Variants in GRIP1 observed in about 807,000 individuals in gnomAD.
The protein encoded by GRIP1 is glutamate receptor-interacting protein 1.
In GRIP1, 45 loss-of-function variants were observed where a neutral mutation model predicts 129.9. The observed-to-expected ratio is 0.35, with a 90% CI of 0.27 to 0.44. The LOEUF is 0.44. GRIP1 is among the 20% of genes least tolerant of loss of function. GRIP1 has a pLI of 1.00. For missense variants in GRIP1, 1,196 were observed against 1,396.8 expected, an observed-to-expected ratio of 0.86 and a Z score of 2.29; for synonymous variants, 530 against 520.8, an observed-to-expected ratio of 1.02 and a Z score of -0.24.
At chr12:66,816,299 T>C (rs1014363933) in intron 1 of GRIP1, among the ~76,000 whole-genome samples, 10 of 152,152 alleles carry the variant, frequency 6.6e-5, no homozygotes, top group African/African-American at 2.2e-4. Context: ...ATTAAGACCA[T>C]TTTGGCTTTC....
chr12:66,893,785 A>C (rs1417787243), intron 1 of GRIP1, among the ~76,000 whole-genome samples: 2 of 152,220 alleles, frequency 1.3e-5, no homozygotes, highest in African/African-American at 2.4e-5. Flanking sequence ...GAAATTGCCA[A>C]ATATTTTCAA....
chr12:66,392,565 C>A, intron 18 of GRIP1, 63 bp from the exon 19 acceptor site: 2 of 1,569,234 alleles, frequency 1.3e-6, no homozygotes, highest in Non-Finnish European at 1.8e-6. Flanking sequence ...TACCAAGATA[C>A]TCCGTGGCTA....
chr12:66,843,062 C>T (rs1431635624), intron 1 of GRIP1, among the ~76,000 whole-genome samples: 1 of 151,876 alleles, frequency 6.6e-6, no homozygotes, highest in Non-Finnish European at 1.5e-5. Flanking sequence ...TTAAAAGAAC[C>T]TGAGAAAATA....
intron 1 of GRIP1, among the ~76,000 whole-genome samples, chr12:66,652,045 C>T (rs541567587): frequency 5.9e-5 from 9 of 152,232 alleles, no homozygotes; most frequent in East Asian, 5.8e-4. Context: ...AGTATTCTGC[C>T]TTTTGGGAAA....
At chr12:66,810,247 A>G (rs2039077240) in intron 1 of GRIP1, among the ~76,000 whole-genome samples, 1 of 152,164 alleles carries the variant, frequency 6.6e-6, no homozygotes, top group African/African-American at 2.4e-5. Flanking sequence ...ATAATTATAA[A>G]TAGATTTTCA....
chr12:67,007,651 CTT>C (rs781682708), intron 1 of GRIP1, among the ~76,000 whole-genome samples: 6 of 152,284 alleles, frequency 3.9e-5, no homozygotes, highest in Non-Finnish European at 8.8e-5. Flanking sequence ...TGTTGTTCCT[CTT>C]GTTACTATTA....
chr12:66,882,786 TCTC>T, intron 1 of GRIP1, among the ~76,000 whole-genome samples: 1 of 152,160 alleles, frequency 6.6e-6, no homozygotes, highest in Admixed American at 6.6e-5. Context: ...TTCCCCATGG[TCTC>T]CTTTTAGCTT....
intron 7 of GRIP1, among the ~76,000 whole-genome samples, chr12:66,494,900 A>C (rs1365790208): frequency 6.6e-6 from 1 of 152,174 alleles, no homozygotes; most frequent in South Asian, 2.1e-4. Context: ...AAACAAAGAA[A>C]GCAAAAAAGA....
At chr12:66,744,316 C>T (rs2036879584) in intron 1 of GRIP1, among the ~76,000 whole-genome samples, 4 of 152,100 alleles carry the variant, frequency 2.6e-5, no homozygotes, top group Admixed American at 2.6e-4. Context: ...TTTCTCTTCC[C>T]TTTCACGCTT....
At chr12:66,564,801 T>C (rs1457526566) in intron 2 of GRIP1, among the ~76,000 whole-genome samples, 7 of 152,248 alleles carry the variant, frequency 4.6e-5, no homozygotes, top group African/African-American at 1.7e-4. Flanking sequence ...GTTTCCTGAC[T>C]TTTTAATGAT....
chr12:67,002,074 A>G (rs894939854), intron 1 of GRIP1, among the ~76,000 whole-genome samples: 1 of 152,216 alleles, frequency 6.6e-6, no homozygotes, highest in South Asian at 2.1e-4. Flanking sequence ...TTGTAAATCC[A>G]GAGAAAAATG....
At chr12:66,846,778 C>T (rs1450534529) in intron 1 of GRIP1, among the ~76,000 whole-genome samples, 1 of 152,150 alleles carries the variant, frequency 6.6e-6, no homozygotes, top group Non-Finnish European at 1.5e-5. Flanking sequence ...GAGTACATGT[C>T]ACACCACAGG....
At chr12:66,829,623 C>G (rs2039481571) in intron 1 of GRIP1, among the ~76,000 whole-genome samples, 1 of 152,106 alleles carries the variant, frequency 6.6e-6, no homozygotes, top group African/African-American at 2.4e-5. Flanking sequence ...AATTTTGTCT[C>G]CATGATGAAT....
rs555317675 is a variant in GRIP1 at position 67,033,716 on chromosome 12, G to A, written c.58+35334C>T. Among the ~76,000 whole-genome samples the A allele has an allele frequency of 3.3e-5, 5 of 152,220 alleles. No homozygotes were observed. In the South Asian group the frequency reaches 1.0e-3, roughly 32 times the overall value. On this transcript the variant is annotated intron_variant, in intron 1 of 1. Transcript: ENST00000643019. ...CTCTCACCCACCCCATCCTAGCTGT[G>A]CAACTTTCAAAGAGTAACTTCACCT...
intron 7 of GRIP1, among the ~76,000 whole-genome samples, chr12:66,507,148 T>C (rs1212335258): frequency 6.6e-6 from 1 of 152,182 alleles, no homozygotes; most frequent in Non-Finnish European, 1.5e-5. Flanking sequence ...AAGAAACTGA[T>C]AAAGTATGGG....
At chr12:66,774,643 T>C (rs1316190427) in intron 1 of GRIP1, among the ~76,000 whole-genome samples, 2 of 152,126 alleles carry the variant, frequency 1.3e-5, no homozygotes, top group Non-Finnish European at 2.9e-5. Flanking sequence ...GAGTCAAGAA[T>C]ATGACCTGGA....
intron 7 of GRIP1, among the ~76,000 whole-genome samples, chr12:66,506,886 T>C (rs1053563753): frequency 5.9e-5 from 9 of 151,756 alleles, no homozygotes; most frequent in African/African-American, 1.9e-4. Context: ...CCTTTTTTTT[T>C]CCTCTAAAAA....
intron 1 of GRIP1, among the ~76,000 whole-genome samples, chr12:66,968,918 T>C (rs1566099385): frequency 1.3e-5 from 2 of 152,194 alleles, no homozygotes; most frequent in Non-Finnish European, 2.9e-5. Context: ...GTGCTAATAA[T>C]AAATCCCCTC....
chr12:66,927,686 T>C (rs947744986), intron 1 of GRIP1, among the ~76,000 whole-genome samples: 2 of 152,212 alleles, frequency 1.3e-5, no homozygotes, highest in African/African-American at 4.8e-5. Flanking sequence ...TAAGAGGGGT[T>C]ACCCACCTCG....
Sources: gnomAD v4.1 joint callset for allele counts (sites outside exome capture counted in the v4.1 genomes callset) on GRCh38, gnomAD v4.1.1 for gene constraint, MANE v1.5 for transcripts, NCBI Gene and HGNC (gene_info 2026-07-23, HGNC 2026-07-21) for gene names.